The following SATB2 variants were observed in gnomAD, a reference collection of about 807,000 sequenced individuals.
SATB2 encodes the protein SATB homeobox 2.
SATB2 carries 1 observed loss-of-function variant against 73.4 expected under a neutral mutation model. That is an observed-to-expected ratio of 0.01 (90% CI 0.00 to 0.06). SATB2 has a LOEUF of 0.06. Among genes scored for constraint, SATB2 ranks in the 10% least tolerant of loss-of-function variants. The probability of loss-of-function intolerance (pLI) is 1.00; values close to 1 mark genes in which losing one functional copy is unlikely to be tolerated. For synonymous variants in SATB2, 397 were observed against 367.0 expected (o/e 1.08, Z -0.93); for missense variants, 459 against 945.8 (o/e 0.49, Z 6.75).
chr2:199,311,455 C>T (rs1687591786), intron 9 of SATB2, among the ~76,000 whole-genome samples: 1 of 152,064 alleles, frequency 6.6e-6, no homozygotes, highest in Non-Finnish European at 1.5e-5. Flanking sequence ...CAGTAATTAG[C>T]TTATGAATGT....
At chr2:199,466,610 T>A (rs1431873889), upstream of SATB2, among the ~76,000 whole-genome samples, 2 of 152,198 alleles carry the variant, frequency 1.3e-5, no homozygotes, top group Non-Finnish European at 2.9e-5. Context: ...AATGGGCACC[T>A]GTCCTCCCCC....
upstream of SATB2, chr2:199,468,747 G>C (rs1219496282): frequency 1.3e-5 from 2 of 152,274 alleles, no homozygotes; most frequent in African/African-American, 4.8e-5. Context: ...GGGCAGGCCT[G>C]AGGTGGCCCT....
chr2:199,340,552 T>C lies in SATB2; in HGVS notation c.1173+8149A>G, dbSNP rs550652648. On this transcript the variant is annotated intron_variant, in intron 7 of 10. Transcript: ENST00000417098. ...CAGAAGAACTAGCTGAGACACAAAA[T>C]GAGCCTGAAACTTTCTTAATTATGG... Among the ~76,000 whole-genome samples the C allele has an allele frequency of 5.3e-5, 8 of 152,180 alleles. No homozygotes were observed. In the South Asian group the frequency reaches 1.7e-3, roughly 32 times the overall value.
intron 2 of SATB2, among the ~76,000 whole-genome samples, chr2:199,442,934 CAT>C (rs1056715508): frequency 7.4e-6 from 1 of 134,506 alleles, no homozygotes; most frequent in African/African-American, 2.5e-5. Context: ...GACTCGACCA[CAT>C]GTTAAAAATG....
At chr2:199,300,304 T>C (rs1687244135) in intron 10 of SATB2, among the ~76,000 whole-genome samples, 1 of 151,344 alleles carries the variant, frequency 6.6e-6, no homozygotes, top group African/African-American at 2.4e-5. Context: ...CAAAGCAATA[T>C]TAAAAAAGAA....
intron 10 of SATB2, among the ~76,000 whole-genome samples, chr2:199,275,874 G>A (rs1369859037): frequency 6.6e-6 from 1 of 152,134 alleles, no homozygotes; most frequent in African/African-American, 2.4e-5. Context: ...TAGCAAAGGA[G>A]CTGAGCTTTT....
chr2:199,375,143 T>C (rs114338377), intron 5 of SATB2, among the ~76,000 whole-genome samples: 218 of 152,168 alleles, frequency 1.4e-3, no homozygotes, highest in African/African-American at 5.0e-3. Context: ...CGACCTTAGG[T>C]ATTTCAACTC....
At chr2:199,404,053 G>A (rs999823503) in intron 3 of SATB2, among the ~76,000 whole-genome samples, 6 of 152,196 alleles carry the variant, frequency 3.9e-5, no homozygotes, top group Non-Finnish European at 8.8e-5. Flanking sequence ...AGATGCCAAA[G>A]AAGGGCAAAG....
At chr2:199,293,993 TC>T (rs376356157) in intron 10 of SATB2, among the ~76,000 whole-genome samples, 2,190 of 152,068 alleles carry the variant, frequency 0.014, 60 homozygotes, top group African/African-American at 0.051. Flanking sequence ...TTTTTAATGC[TC>T]CCCCCCAACT....
intron 6 of SATB2, among the ~76,000 whole-genome samples, chr2:199,356,392 T>C (rs1391896099): frequency 6.6e-6 from 1 of 152,062 alleles, no homozygotes; most frequent in Non-Finnish European, 1.5e-5. Context: ...AAACCAACAA[T>C]TTCAAATTGG....
At chr2:199,452,754 T>G (rs1295258458) in intron 2 of SATB2, among the ~76,000 whole-genome samples, 5 of 152,216 alleles carry the variant, frequency 3.3e-5, no homozygotes, top group Non-Finnish European at 7.4e-5. Flanking sequence ...CATATGTTTT[T>G]TAAAGAGATA....
At chr2:199,283,870 C>T (rs563175192) in intron 10 of SATB2, among the ~76,000 whole-genome samples, 10 of 152,288 alleles carry the variant, frequency 6.6e-5, no homozygotes, top group Non-Finnish European at 1.3e-4. Flanking sequence ...ACTTCTGTAG[C>T]ATACTGAGGG....
At chr2:199,384,753 C>G (rs994448058) in intron 3 of SATB2, among the ~76,000 whole-genome samples, 1 of 152,128 alleles carries the variant, frequency 6.6e-6, no homozygotes, top group African/African-American at 2.4e-5. Context: ...CCTCAATCCT[C>G]TCATCTGTAA....
chr2:199,460,300 A>G (rs1252067388), upstream of SATB2, among the ~76,000 whole-genome samples: 5 of 152,198 alleles, frequency 3.3e-5, no homozygotes, highest in Admixed American at 6.5e-5. This position sits in a 1 kb window ranked among gnomAD's most constrained non-coding sequence, Gnocchi z 4.0. Flanking sequence ...TTGAGCAACA[A>G]ACTTTTTCTT....
chr2:199,297,146 G>A (rs1222935957), intron 10 of SATB2, among the ~76,000 whole-genome samples: 1 of 152,112 alleles, frequency 6.6e-6, no homozygotes, highest in African/African-American at 2.4e-5. Flanking sequence ...AAATTAAATG[G>A]TTATATACAT....
chr2:199,328,690 T>C lies in SATB2; in HGVS notation c.1386+8A>G. The C allele has an allele frequency of 6.2e-7, 1 of 1,610,928 alleles. No homozygotes were observed. Among genetic ancestry groups the C allele is most frequent in the Non-Finnish European group, 8.5e-7 (1 of 1,178,550 alleles). On this transcript the variant is annotated splice_region_variant and intron_variant, in intron 8 of 10. Transcript: ENST00000417098. ...AAGAGTGAAAAATACGGAAAGCAAGTTTCTCACCTGAGGGGTTCGGGAGGA... is the reference window on the plus strand; with the variant it reads ...AAGAGTGAAAAATACGGAAAGCAAGCTTCTCACCTGAGGGGTTCGGGAGGA...
intron 3 of SATB2, among the ~76,000 whole-genome samples, chr2:199,390,867 C>T (rs1048880470): frequency 6.6e-6 from 1 of 152,150 alleles, no homozygotes; most frequent in Non-Finnish European, 1.5e-5. Flanking sequence ...GAATTGTCCT[C>T]CAGGCATATT....
At chr2:199,373,044 G>C (rs1162586673) in intron 5 of SATB2, among the ~76,000 whole-genome samples, 1 of 152,180 alleles carries the variant, frequency 6.6e-6, no homozygotes, top group Non-Finnish European at 1.5e-5. Context: ...TTGAACAGCA[G>C]TGTGGTACTA....
intron 9 of SATB2, among the ~76,000 whole-genome samples, chr2:199,313,147 T>C (rs549773743): frequency 3.1e-4 from 47 of 152,292 alleles, no homozygotes; most frequent in African/African-American, 1.1e-3. Flanking sequence ...ATAATTGCCA[T>C]ATGGTGATAT....
Sources: gnomAD v4.1 joint callset for allele counts (sites outside exome capture counted in the v4.1 genomes callset) on GRCh38, gnomAD v4.1.1 for gene constraint, Gnocchi (gnomAD v3.1) non-coding constraint, MANE v1.5 for transcripts, NCBI Gene and HGNC (gene_info 2026-07-23, HGNC 2026-07-21) for gene names.